ZFP64: variants seen among roughly 807,000 people sequenced by gnomAD.
ZFP64 encodes the protein ZFP64 zinc finger protein.
ZFP64 carries 14 observed loss-of-function variants against 51.6 expected under a neutral mutation model. The ratio of observed to expected loss-of-function variants is 0.27; its 90% CI spans 0.18 to 0.42. ZFP64 has a LOEUF of 0.42. Among genes scored for constraint, ZFP64 ranks in the 10% least tolerant of loss-of-function variants. The probability of loss-of-function intolerance (pLI) is 1.00; values close to 1 mark genes in which losing one functional copy is unlikely to be tolerated. For synonymous variants in ZFP64, 375 were observed against 361.4 expected, an observed-to-expected ratio of 1.04 and a Z score of -0.43; for missense variants, 754 against 906.8, an observed-to-expected ratio of 0.83 and a Z score of 2.16.
intron 2 of ZFP64, among the ~76,000 whole-genome samples, chr20:52,185,171 G>A (rs1244786821): frequency 6.6e-5 from 10 of 151,984 alleles, no homozygotes; most frequent in African/African-American, 1.9e-4. Context: ...TTACAGGCAC[G>A]TGACACCACG....
chr20:52,123,331 T>C (rs1979287130), intron 5 of ZFP64, among the ~76,000 whole-genome samples: 1 of 152,172 alleles, frequency 6.6e-6, no homozygotes, highest in South Asian at 2.1e-4. Context: ...TTGAAAGAAG[T>C]TCTATTGCAG....
chr20:52,138,498 A>T (rs1315674213), intron 5 of ZFP64, among the ~76,000 whole-genome samples: 3 of 152,072 alleles, frequency 2.0e-5, no homozygotes, highest in Non-Finnish European at 4.4e-5. Context: ...ACAAAATAAG[A>T]CTTAGAATGT....
intron 5 of ZFP64, among the ~76,000 whole-genome samples, chr20:52,159,142 T>A (rs1981565256): frequency 6.6e-6 from 1 of 152,244 alleles, no homozygotes; most frequent in Admixed American, 6.5e-5. Context: ...TCCAGTCAAC[T>A]TCCTGCTGAC....
intron 4 of ZFP64, among the ~76,000 whole-genome samples, chr20:52,162,427 C>T (rs928783667): frequency 6.6e-6 from 1 of 151,852 alleles, no homozygotes; most frequent in African/African-American, 2.4e-5. Flanking sequence ...GAGATCAAGA[C>T]CATCGTGGCT....
Position 52,152,206 on chromosome 20 carries a change from G to A in ZFP64, c.1986C>T (p.Ser662=), listed in dbSNP as rs1287438953. ...SQQELPKQTY[S]IIQGAAHPAL... ...CTGGATGGGCTGCCCCTTGAATGAT[G>A]GAGTAGGTCTGCTTGGGTAGTTCTT... Residue 662 remains serine, a synonymous_variant, in exon 6 of 6, where the codon TCC becomes TCT. Coordinates refer to ENST00000216923, the MANE Select transcript of ZFP64 (RefSeq NM_018197.3). The A allele has an allele frequency of 6.2e-7, 1 of 1,614,180 alleles. No homozygotes were observed. Among genetic ancestry groups the A allele is most frequent in the Non-Finnish European group, 8.5e-7 (1 of 1,180,034 alleles).
rs371892568 is a variant in ZFP64, at chr20:52,160,725, A to G, written c.512-351T>C. Among the ~76,000 whole-genome samples the G allele has an allele frequency of 5.6e-3, 858 of 152,184 alleles. 7 individuals are homozygous for G. The highest frequency in any genetic ancestry group is 0.019 in the African/African-American group (777 of 41,526). On this transcript the variant is annotated intron_variant, in intron 4 of 5. Coordinates refer to ENST00000216923, the MANE Select transcript of ZFP64 (RefSeq NM_018197.3). This position sits in a 1 kb window ranked among gnomAD's most constrained non-coding sequence, Gnocchi z 4.2. ...ATTCACTCTCTCCTTTTTCCTTTTC[A>G]CAACAGAGATGCACCGTAAAATTTA...
intron 2 of ZFP64, among the ~76,000 whole-genome samples, chr20:52,174,408 G>T (rs986747605): frequency 1.3e-5 from 2 of 151,008 alleles, no homozygotes; most frequent in East Asian, 1.9e-4. Context: ...GCTTGAACCC[G>T]GGAGGCGGAG....
intron 5 of ZFP64, among the ~76,000 whole-genome samples, chr20:52,121,566 A>T (rs1003070374): frequency 6.6e-6 from 1 of 152,204 alleles, no homozygotes; most frequent in African/African-American, 2.4e-5. Context: ...AAAAGAGAAA[A>T]GTTGGAAGGT....
downstream of ZFP64, among the ~76,000 whole-genome samples, chr20:52,149,067 A>C (rs1356057983): frequency 6.6e-6 from 1 of 152,190 alleles, no homozygotes; most frequent in Non-Finnish European, 1.5e-5. Context: ...CCCTATGCAG[A>C]GACGTCTCAG....
chr20:52,144,618 T>A (rs6021740), intron 5 of ZFP64, among the ~76,000 whole-genome samples: 1 of 107,788 alleles, frequency 9.3e-6, no homozygotes, highest in African/African-American at 4.0e-5. Context: ...AAAGCTGAAA[T>A]GAATGAAATG....
In ZFP64 at chr20:52,143,319, C is replaced by A. The variant is rs1324023571; in HGVS notation, c.763+16804G>T. Among the ~76,000 whole-genome samples, 4 of 142,202 alleles carry A rather than the reference C, an allele frequency of 2.8e-5. 1 individual carries two copies. Among genetic ancestry groups the A allele is most frequent in the Non-Finnish European group, 6.2e-5 (4 of 64,084 alleles). 93.3% of individuals were successfully genotyped at this position (142,202 alleles called of 152,430 possible). A position where few individuals can be genotyped will look rare whatever the true frequency, so the allele number is the denominator to read the frequency against. ...CTGGCCCTATCCCCTTTAAAGCAACCAACTAACCATCCCTAAAACTGAAAT... is the reference window on the plus strand; with the variant it reads ...CTGGCCCTATCCCCTTTAAAGCAACAAACTAACCATCCCTAAAACTGAAAT... On this transcript the variant is annotated intron_variant, in intron 5 of 8. Coordinates refer to the ZFP64 transcript ENST00000361387.
Position 52,153,465 on chromosome 20 carries a change from G to A in ZFP64, c.764-37C>T, listed in dbSNP as rs1410009863. On this transcript the variant is annotated intron_variant, in intron 5 of 5. Transcript: ENST00000216923. The surrounding 1 kb of genome is among the most constrained non-coding windows in gnomAD (Gnocchi z 5.1). ...AGGTGAGTTTCGATAAGAACAGGCA[G>A]GCAACAACCACAGCGGATCCCCCCG... 1.9e-6 allele frequency: 3 copies of A among 1,591,762 alleles called. No individual in the cohort carries two copies. Among genetic ancestry groups the A allele is most frequent in the Non-Finnish European group, 2.6e-6 (3 of 1,167,860 alleles).
chr20:52,187,121 T>C (rs1984029343), intron 1 of ZFP64, 50 bp from the exon 2 acceptor site: 2 of 1,563,676 alleles, frequency 1.3e-6, no homozygotes, highest in Admixed American at 1.7e-5. Context: ...CAGCTTTGAA[T>C]TGTAATGCAG....
At chr20:52,159,680 A>G (rs1981612743) in intron 5 of ZFP64, among the ~76,000 whole-genome samples, 1 of 151,392 alleles carries the variant, frequency 6.6e-6, no homozygotes, top group Non-Finnish European at 1.5e-5. Context: ...GCAAAACCCC[A>G]CCTCTACTAA....
At chr20:52,189,832 T>G (rs1028825563) in intron 1 of ZFP64, among the ~76,000 whole-genome samples, 6 of 152,172 alleles carry the variant, frequency 3.9e-5, no homozygotes, top group Admixed American at 3.9e-4. Flanking sequence ...TTCATATATA[T>G]ATGATTATTT....
At chr20:52,145,839 A>G (rs1980498470) in intron 5 of ZFP64, among the ~76,000 whole-genome samples, 1 of 152,156 alleles carries the variant, frequency 6.6e-6, no homozygotes, top group Non-Finnish European at 1.5e-5. Context: ...TAAACACTGT[A>G]CACTTAGACT....
intron 5 of ZFP64, among the ~76,000 whole-genome samples, chr20:52,158,708 A>G (rs6021759): frequency 0.035 from 5,311 of 152,100 alleles, 294 homozygotes; most frequent in African/African-American, 0.12. Context: ...TCCATCTCAA[A>G]AAAGAAAGAA....
chr20:52,136,984 C>CA (rs1980013422), intron 5 of ZFP64, among the ~76,000 whole-genome samples: 1 of 152,096 alleles, frequency 6.6e-6, no homozygotes, highest in Non-Finnish European at 1.5e-5. Context: ...AGGCTGGTCT[C>CA]AAACTCCTGA....
Position 52,186,978 on chromosome 20 carries a change from A to T in ZFP64, c.140T>A (p.Val47Glu). 6.2e-7 allele frequency: 1 copy of T among 1,614,166 alleles called. No individual in the cohort carries two copies. Among genetic ancestry groups the T allele is most frequent in the Non-Finnish European group, 8.5e-7 (1 of 1,179,994 alleles). The change falls in exon 2 of 6, where the codon GTA becomes GAA. Residue 47 changes from valine to glutamate, a missense_variant. Physicochemically the swap from Val to Glu is moderately radical, Grantham distance 121. Coordinates refer to ENST00000216923, the MANE Select transcript of ZFP64 (RefSeq NM_018197.3). Reference sequence around the variant, plus strand: ...CTGGCAGCCACTTTGCTTGTGAGCTACAAAGGCATCCAGGTTGTTAAACTG... The same window carrying T: ...CTGGCAGCCACTTTGCTTGTGAGCTTCAAAGGCATCCAGGTTGTTAAACTG... ...KQQFNNLDAF[V>E]AHKQSGCQLT... is the part of the protein sequence containing the mutation.
Sources: gnomAD v4.1 joint callset for allele counts (sites outside exome capture counted in the v4.1 genomes callset) on GRCh38, gnomAD v4.1.1 for gene constraint, Gnocchi (gnomAD v3.1) non-coding constraint, MANE v1.5 for transcripts, NCBI Gene and HGNC (gene_info 2026-07-23, HGNC 2026-07-21) for gene names.